Variants in STK25 observed in about 807,000 individuals in gnomAD.
The protein encoded by STK25 is serine/threonine-protein kinase 25.
A neutral mutation model predicts 53.8 loss-of-function variants in STK25; 29 were observed. The ratio of observed to expected loss-of-function variants is 0.54; its 90% CI spans 0.40 to 0.74. The LOEUF (loss-of-function observed/expected upper bound fraction) is 0.74, where lower values mean the gene tolerates loss of function less well. STK25 is among the 30% of genes least tolerant of loss of function. The probability of loss-of-function intolerance (pLI) is 0.00; values close to 1 mark genes in which losing one functional copy is unlikely to be tolerated. For synonymous variants in STK25, 247 were observed against 238.3 expected, an observed-to-expected ratio of 1.04 and a Z score of -0.33; for missense variants, 420 against 568.0, an observed-to-expected ratio of 0.74 and a Z score of 2.65.
At chr2:241,497,008 G>A (rs2065210082) in intron 10 of STK25, among the ~76,000 whole-genome samples, 1 of 152,244 alleles carries the variant, frequency 6.6e-6, no homozygotes, top group African/African-American at 2.4e-5. Flanking sequence ...GGCTGCCCAG[G>A]ACCTGGACCC....
rs776818417 is a variant in STK25, at chr2:241,493,421, T to C, written c.*2241A>G. 3.1e-6 allele frequency: 5 copies of C among 1,613,786 alleles called. No homozygotes were observed. In the Admixed American group the frequency reaches 8.3e-5, roughly 27 times the overall value. On this transcript the variant is annotated 3_prime_UTR_variant, in exon 12 of 12. Coordinates refer to ENST00000316586, the MANE Select transcript of STK25 (RefSeq NM_001271977.2). The stretch of plus-strand genomic sequence containing the variant: ...AATCCCACGTCTACTTCTTCCGGGC[T>C]GAGAGCAAGTACACATTTGAAAGGT...
At chr2:241,505,619 C>G (rs1342611148) in intron 2 of STK25, among the ~76,000 whole-genome samples, 1 of 152,196 alleles carries the variant, frequency 6.6e-6, no homozygotes, top group East Asian at 1.9e-4. Context: ...ATCACAGCAG[C>G]CCCGGTAGGG....
At position 241,499,094 on chromosome 2, in the gene STK25, G is replaced by T. The variant is rs373303573; in HGVS notation, c.666C>A (p.Arg222=). ...EPPNSDLHPM[R]VLFLIPKNSP... The stretch of plus-strand genomic sequence containing the variant: ...TGTTCTTGGGAATCAGGAACAGGAC[G>T]CGCATGGGGTGGAGGTCAGAGTTTG... Residue 222 remains arginine (R), a synonymous_variant, in exon 7 of 12, where the codon CGC becomes CGA. Transcript: ENST00000316586. 2 of 1,614,114 alleles carry T rather than the reference G, an allele frequency of 1.2e-6. No individual in the cohort carries two copies. Among genetic ancestry groups the T allele is most frequent in the Non-Finnish European group, 8.5e-7 (1 of 1,179,986 alleles).
rs1434400191 is a variant in STK25 at position 241,496,086 on chromosome 2, G to A, written c.1241+312C>T. Among the ~76,000 whole-genome samples, 5 of 152,146 alleles carry A rather than the reference G, an allele frequency of 3.3e-5. No homozygotes were observed. Among genetic ancestry groups the A allele is most frequent in the Non-Finnish European group, 5.9e-5 (4 of 68,018 alleles). On this transcript the variant is annotated intron_variant, in intron 11 of 11. Coordinates refer to ENST00000316586, the MANE Select transcript of STK25 (RefSeq NM_001271977.2). The surrounding 1 kb of genome is among the most constrained non-coding windows in gnomAD (Gnocchi z 5.8). ...CCACCAGCGTGTCAGAGTAGCTCCC[G>A]GGAGCCACCAGGTGGAGGGGCAGAG...
In STK25 at chr2:241,499,138, G is replaced by A. The variant is rs766429147; in HGVS notation, c.622C>T (p.Leu208=). 1 of 1,613,788 alleles carries A rather than the reference G, an allele frequency of 6.2e-7. No individual in the cohort carries two copies. The highest frequency in any genetic ancestry group is 1.7e-5 in the Admixed American group (1 of 60,016). ...GAGTTTGGAGGCTCCCCCTTGGCCA[G>A]CTCGATGGCTGTGATCCCCAGGGAC... ...IWSLGITAIE[L]AKGEPPNSDL... Residue 208 remains leucine (L), a synonymous_variant, in exon 7 of 12, where the codon CTG becomes TTG. Coordinates refer to ENST00000316586, the MANE Select transcript of STK25 (RefSeq NM_001271977.2).
chr2:241,499,066 G>C lies in STK25; in HGVS notation c.694C>G (p.Pro232Ala). 1 of 1,614,124 alleles carries C rather than the reference G, an allele frequency of 6.2e-7. No homozygotes were observed. Residue 232 changes from proline to alanine, a missense_variant, in exon 7 of 12, where the codon CCA becomes GCA. Pro to Ala is a conservative substitution (Grantham distance 27, BLOSUM62 -1). Coordinates refer to ENST00000316586, the MANE Select transcript of STK25 (RefSeq NM_001271977.2). ...CTGTGCTGGCCCTCCAGTGTGGGTG[G>C]GCTGTTCTTGGGAATCAGGAACAGG... The part of the protein sequence containing the change: ...RVLFLIPKNS[P>A]PTLEGQHSKP...
At position 241,496,156 on chromosome 2, in the gene STK25, G is replaced by C. The variant is rs958221416; in HGVS notation, c.1241+242C>G. Among the ~76,000 whole-genome samples, 19 of 152,174 alleles carry C rather than the reference G, an allele frequency of 1.2e-4. No individual in the cohort carries two copies. The highest frequency in any genetic ancestry group is 4.1e-4 in the African/African-American group (17 of 41,444). On this transcript the variant is annotated intron_variant, in intron 11 of 11. Coordinates refer to ENST00000316586, the MANE Select transcript of STK25 (RefSeq NM_001271977.2). The surrounding 1 kb of genome is among the most constrained non-coding windows in gnomAD (Gnocchi z 5.8). ...GTGGCCACTGAGGCCGGGACCCTGA[G>C]ACACTGCCTCAGACCCTTAGACTGG...
At chr2:241,498,125 A>G (rs999466012) in intron 9 of STK25, 110 bp downstream of exon 9, 1 of 1,057,432 alleles carries the variant, frequency 9.5e-7, no homozygotes, top group African/African-American at 1.6e-5. Flanking sequence ...GCCTTTCCCA[A>G]GCTCCTTGTC....
chr2:241,499,221 G>A, intron 6 of STK25, 36 bp downstream of exon 6: 1 of 1,613,842 alleles, frequency 6.2e-7, no homozygotes, highest in Non-Finnish European at 8.5e-7. Context: ...CCCGAGCCAG[G>A]CATGGTGCCC....
intron 9 of STK25, 62 bp from the exon 10 acceptor site, chr2:241,497,749 A>G: frequency 6.8e-7 from 1 of 1,481,290 alleles, no homozygotes; most frequent in Non-Finnish European, 9.4e-7. Flanking sequence ...GGGCACTCCC[A>G]TCCCTGCCCA....
intron 2 of STK25, 140 bp downstream of exon 2, chr2:241,507,866 G>A: frequency 4.5e-6 from 4 of 880,212 alleles, no homozygotes; most frequent in Non-Finnish European, 7.0e-6. Context: ...ACCTCAGGAC[G>A]GCTCCGCTGG....
At chr2:241,505,130 G>C (rs2065748628) in intron 2 of STK25, among the ~76,000 whole-genome samples, 1 of 149,364 alleles carries the variant, frequency 6.7e-6, no homozygotes, top group Non-Finnish European at 1.5e-5. Context: ...TCACCATGTT[G>C]GCCAGGCTAG....
At position 241,498,980 on chromosome 2, in the gene STK25, G is replaced by A. The variant is rs1374932632; in HGVS notation, c.771+9C>T. ...GTCTAGAAGGGACCGGGCCAGAGGC[G>A]GGCCTTACGAATCGGGGGTCTTTGT... On this transcript the variant is annotated intron_variant, in intron 7 of 11. Transcript: ENST00000316586. The A allele has an allele frequency of 2.5e-5, 41 of 1,613,328 alleles. No individual in the cohort carries two copies. Among genetic ancestry groups the A allele is most frequent in the Middle Eastern group, 3.3e-4 (2 of 6,084 alleles).
chr2:241,492,751 T>C lies in STK25; in HGVS notation c.*2911A>G. On this transcript the variant is annotated 3_prime_UTR_variant, in exon 12 of 12. Coordinates refer to ENST00000316586, the MANE Select transcript of STK25 (RefSeq NM_001271977.2). ...GTGCCTGGAATGTCACTCTAGGTTT[T>C]TAACATGCTTCTGTTGGACTTAAGT... is the stretch of plus-strand genomic sequence containing the variant. 1 of 562,192 alleles carries C rather than the reference T, an allele frequency of 1.8e-6. No homozygotes were observed. The highest frequency in any genetic ancestry group is 3.2e-6 in the Non-Finnish European group (1 of 315,154). The allele number at this position is 562,192 out of a possible 1,614,324, so 34.8% of individuals were successfully genotyped here. A position where few individuals can be genotyped will look rare whatever the true frequency, so the allele number is the denominator to read the frequency against.
Position 241,493,569 on chromosome 2 carries a change from C to T in STK25, c.*2093G>A, listed in dbSNP as rs765174581. ...GAAAGGAAGGGCTGAGCAATGCTTC[C>T]AGCATTTCCAAAAAACAGCAATGCT... On this transcript the variant is annotated 3_prime_UTR_variant, in exon 12 of 12. Coordinates refer to ENST00000316586, the MANE Select transcript of STK25 (RefSeq NM_001271977.2). The T allele has an allele frequency of 2.5e-5, 20 of 811,688 alleles. 1 individual carries two copies. The South Asian group carries it at 3.2e-4, about 13-fold the overall frequency. 50.3% of individuals were successfully genotyped at this position (811,688 alleles called of 1,614,324 possible).
intron 5 of STK25, 80 bp from the exon 6 acceptor site, chr2:241,499,494 C>T: frequency 6.6e-7 from 1 of 1,518,320 alleles, no homozygotes; most frequent in Admixed American, 1.9e-5. Context: ...GGCCAGGGTA[C>T]CATCCACCTG....
rs1433249972 is a variant in STK25, at chr2:241,508,563, G to A, written c.-221C>T. ...TCCCAGCCCGCGAAGCAACGGTGGT[G>A]GCGGCAGCGACCGGAGAAAGCCCGG... On this transcript the variant is annotated 5_prime_UTR_variant, in exon 1 of 12. Transcript: ENST00000316586. 1.0e-6 allele frequency: 1 copy of A among 992,488 alleles called. No homozygotes were observed. 61.5% of individuals were successfully genotyped at this position (992,488 alleles called of 1,614,324 possible). A position where few individuals can be genotyped will look rare whatever the true frequency, so the allele number is the denominator to read the frequency against.
chr2:241,500,287 G>A lies in STK25; in HGVS notation c.319-6C>T. 6.2e-7 allele frequency: 1 copy of A among 1,610,376 alleles called. No homozygotes were observed. The highest frequency in any genetic ancestry group is 8.5e-7 in the Non-Finnish European group (1 of 1,176,736). ...TCCAGGGGACCTGGTTTAAGCTGGA[G>A]AGGAAGGTGCGACAGCAGGGCCTCA... is the stretch of plus-strand genomic sequence containing the variant. On this transcript the variant is annotated splice_polypyrimidine_tract_variant and splice_region_variant and intron_variant, in intron 4 of 11. Transcript: ENST00000316586.
In STK25 at chr2:241,493,973, T is replaced by C. The variant is rs763102943; in HGVS notation, c.*1689A>G. On this transcript the variant is annotated 3_prime_UTR_variant, in exon 12 of 12. Transcript: ENST00000316586. ...CTTGGGACAGTGTCTGAGCACAAGA[T>C]GGCTCACTGGTCTGATGGCCGCCCT... 3 of 1,256,780 alleles carry C rather than the reference T, an allele frequency of 2.4e-6. No homozygotes were observed. Among genetic ancestry groups the C allele is most frequent in the Non-Finnish European group, 3.2e-6 (3 of 949,746 alleles). 77.9% of individuals were successfully genotyped at this position (1,256,780 alleles called of 1,614,324 possible).
Sources: gnomAD v4.1 joint callset for allele counts (sites outside exome capture counted in the v4.1 genomes callset) on GRCh38, gnomAD v4.1.1 for gene constraint, Gnocchi (gnomAD v3.1) non-coding constraint, MANE v1.5 for transcripts, NCBI Gene and HGNC (gene_info 2026-07-23, HGNC 2026-07-21) for gene names.